Variants in ATAD2B observed in about 807,000 individuals in gnomAD.
ATAD2B encodes the protein ATPase family AAA domain-containing protein 2B.
ATAD2B carries 40 observed loss-of-function variants against 167.6 expected under a neutral mutation model. That is an observed-to-expected ratio of 0.24 (90% CI 0.19 to 0.31). ATAD2B has a LOEUF of 0.31. Among genes scored for constraint, ATAD2B ranks in the 10% least tolerant of loss-of-function variants. The pLI, the probability that ATAD2B is intolerant of heterozygous loss-of-function variation, is 1.00. For synonymous variants in ATAD2B, 579 were observed against 596.5 expected, an observed-to-expected ratio of 0.97 and a Z score of 0.43; for missense variants, 1,242 against 1,757.2, an observed-to-expected ratio of 0.71 and a Z score of 5.24.
chr2:23,794,872 T>C lies in ATAD2B; in HGVS notation c.2640+3266A>G, dbSNP rs534405801. Among the ~76,000 whole-genome samples the C allele has an allele frequency of 9.2e-5, 14 of 152,238 alleles. No individual in the cohort carries two copies. In the South Asian group the frequency reaches 2.9e-3, roughly 32 times the overall value. ...AAAAATGAACAGAAATGCTAATGTT[T>C]TCCCCAGTATCCCAATGCACAAGTA... On this transcript the variant is annotated intron_variant, in intron 19 of 27. Transcript: ENST00000238789.
chr2:23,828,734 C>A, intron 15 of ATAD2B, 115 bp downstream of exon 15: 1 of 628,770 alleles, frequency 1.6e-6, no homozygotes. Flanking sequence ...AAGGTAGAGA[C>A]AATCTATTGC....
Position 23,926,575 on chromosome 2 carries a change from C to T in ATAD2B, c.196G>A (p.Val66Ile), listed in dbSNP as rs751866376. The change falls in exon 1 of 28, where the codon GTC (valine) becomes ATC (isoleucine). Residue 66 changes from valine to isoleucine, a missense_variant. Val to Ile is a conservative substitution (Grantham distance 29, BLOSUM62 3). Around this residue, in one of 9 missense-constraint regions of ATAD2B, gnomAD observed 199 missense variants for 194.9 expected, o/e 1.02. Coordinates refer to ENST00000238789, the MANE Select transcript of ATAD2B (RefSeq NM_017552.4). Reference protein sequence around the residue: ...AKAGGSGGAGVTLDEARKVEV... With the variant: ...AKAGGSGGAGITLDEARKVEV... ...CTTACCCTGGCCTCATCCAGAGTGACGCCGGCGCCACCGCTTCCCCCGGCT... is the reference window on the plus strand; with the variant it reads ...CTTACCCTGGCCTCATCCAGAGTGATGCCGGCGCCACCGCTTCCCCCGGCT... 1.9e-6 allele frequency: 3 copies of T among 1,554,338 alleles called. No homozygotes were observed. Among genetic ancestry groups the T allele is most frequent in the South Asian group, 1.2e-5 (1 of 84,450 alleles).
In ATAD2B at chr2:23,754,758, C is replaced by T. The variant is rs1339423381; in HGVS notation, c.4095G>A (p.Lys1365=). 6.2e-6 allele frequency: 10 copies of T among 1,611,910 alleles called. No homozygotes were observed. The highest frequency in any genetic ancestry group is 8.5e-6 in the Non-Finnish European group (10 of 1,178,784). Residue 1365 remains lysine, a synonymous_variant, in exon 26 of 28, where the codon AAG becomes AAA. Coordinates refer to ENST00000238789, the MANE Select transcript of ATAD2B (RefSeq NM_017552.4). ...GCTCTAAAATTAATTTACGGTATTT[C>T]TTTACTTTAGAAGCACCTATAATTG... ...ELDKEGASKV[K]KYRKLILEQA...
intron 18 of ATAD2B, among the ~76,000 whole-genome samples, chr2:23,808,012 ATATT>A (rs1348351769): frequency 1.0e-5 from 1 of 99,246 alleles, no homozygotes. Context: ...TAATTTATAT[ATATT>A]ATTTATTTAT....
chr2:23,706,601 C>A, the ATAD2B span: 1 of 1,537,224 alleles, frequency 6.5e-7, no homozygotes, highest in Non-Finnish European at 8.7e-7. Context: ...TCCTCCCCCA[C>A]ATGCCCTGCC....
At chr2:23,865,346 T>C (rs1027052373) in intron 10 of ATAD2B, among the ~76,000 whole-genome samples, 3 of 152,038 alleles carry the variant, frequency 2.0e-5, no homozygotes, top group African/African-American at 7.2e-5. Flanking sequence ...CTGCCCAACA[T>C]GGTGAAACAC....
intron 17 of ATAD2B, among the ~76,000 whole-genome samples, chr2:23,815,895 A>C (rs560217657): frequency 6.6e-6 from 1 of 152,144 alleles, no homozygotes; most frequent in Non-Finnish European, 1.5e-5. Context: ...TCTATCTAGC[A>C]AGCTATTACA....
At chr2:23,691,542 G>A in the ATAD2B span, 1 of 677,806 alleles carries the variant, frequency 1.5e-6, no homozygotes, top group Non-Finnish European at 2.6e-6. Context: ...AGGTTCAGGT[G>A]TGTCATTGCC....
At chr2:23,912,937 A>C (rs1702512055) in intron 1 of ATAD2B, among the ~76,000 whole-genome samples, 1 of 152,204 alleles carries the variant, frequency 6.6e-6, no homozygotes, top group Non-Finnish European at 1.5e-5. Context: ...CACAGGTTGC[A>C]GTGAGCCGAG....
At position 23,857,467 on chromosome 2, in the gene ATAD2B, C is replaced by A; in HGVS notation, c.1516G>T (p.Glu506Ter). The change falls in exon 13 of 28, where the codon GAA becomes TAA. Residue 506 changes from glutamate (E) to a stop codon, truncating the protein, a stop_gained. Transcript: ENST00000238789. LOFTEE classifies it high-confidence loss of function. ...CGAACTGGAGCTAATCCATCTATTT[C>A]ATCAAAAAATATTATAGAAGGTCTC... The part of the protein sequence containing the change: ...LMRPSIIFFD[E>*]IDGLAPVRSS... 1 of 1,513,760 alleles carries A rather than the reference C, an allele frequency of 6.6e-7. No homozygotes were observed. The allele number at this position is 1,513,760 out of a possible 1,614,324, so 93.8% of individuals were successfully genotyped here. A position where few individuals can be genotyped will look rare whatever the true frequency, so the allele number is the denominator to read the frequency against.
chr2:23,702,907 G>C, the ATAD2B span, among the ~76,000 whole-genome samples: 1 of 142,908 alleles, frequency 7.0e-6, no homozygotes, highest in South Asian at 2.5e-4. Flanking sequence ...GGGGAGCACT[G>C]TGTGAGCAAA....
At chr2:23,892,733 G>C (rs1699714378) in intron 2 of ATAD2B, among the ~76,000 whole-genome samples, 1 of 152,166 alleles carries the variant, frequency 6.6e-6, no homozygotes, top group Non-Finnish European at 1.5e-5. Flanking sequence ...GCCTCCCAAA[G>C]TGCTGGAATT....
At chr2:23,904,855 T>C (rs1701290373) in intron 1 of ATAD2B, among the ~76,000 whole-genome samples, 1 of 152,190 alleles carries the variant, frequency 6.6e-6, no homozygotes, top group Non-Finnish European at 1.5e-5. Flanking sequence ...ATAAAAGGAA[T>C]GCACAGAGGC....
intron 17 of ATAD2B, chr2:23,811,539 T>A (rs552673924): frequency 1.3e-5 from 2 of 152,002 alleles, no homozygotes; most frequent in East Asian, 3.9e-4. Flanking sequence ...TAAGTGGGAG[T>A]TGAACAATGA....
intron 18 of ATAD2B, among the ~76,000 whole-genome samples, chr2:23,807,968 ATT>A (rs1558569003): frequency 8.0e-6 from 1 of 125,672 alleles, no homozygotes; most frequent in East Asian, 2.1e-4. Context: ...TAATATATAT[ATT>A]ATAAATATAT....
At chr2:23,832,060 C>G (rs1689147585) in intron 14 of ATAD2B, 1 of 321,142 alleles carries the variant, frequency 3.1e-6, no homozygotes, top group African/African-American at 2.2e-5. Context: ...CACTGACGAC[C>G]TACATCATGA....
chr2:23,687,149 C>T, the ATAD2B span, among the ~76,000 whole-genome samples: 2 of 152,180 alleles, frequency 1.3e-5, no homozygotes, highest in Admixed American at 6.5e-5. Context: ...AGTGGCTCCA[C>T]GCTCAGGCAG....
At chr2:23,886,088 G>A (rs1407624821) in intron 4 of ATAD2B, among the ~76,000 whole-genome samples, 2 of 151,912 alleles carry the variant, frequency 1.3e-5, no homozygotes, top group Non-Finnish European at 2.9e-5. Flanking sequence ...GAGACTACAG[G>A]CATGCACTAC....
intron 17 of ATAD2B, among the ~76,000 whole-genome samples, 186 bp downstream of exon 17, chr2:23,819,561 T>A (rs575141041): frequency 6.6e-6 from 1 of 151,682 alleles, no homozygotes; most frequent in East Asian, 1.9e-4. Flanking sequence ...CCTAGGTAGT[T>A]AACCAACAAA....
Sources: allele counts gnomAD v4.1 joint callset (sites outside exome capture counted in the v4.1 genomes callset), GRCh38; gene constraint gnomAD v4.1.1; regional missense constraint gnomAD v4.1.1; transcripts MANE v1.5; gene names NCBI Gene and HGNC (gene_info 2026-07-23, HGNC 2026-07-21).